NSD1: variants seen among roughly 807,000 people sequenced by gnomAD.
NSD1 encodes the protein nuclear receptor binding SET domain protein 1.
Under a neutral mutation model 242.7 loss-of-function variants are expected in NSD1, and 26 were observed. The observed-to-expected ratio is 0.11, with a 90% CI of 0.08 to 0.15. The LOEUF is 0.15. Among genes scored for constraint, NSD1 ranks in the 10% least tolerant of loss-of-function variants. The pLI, the probability that NSD1 is intolerant of heterozygous loss-of-function variation, is 1.00. For missense variants in NSD1, 2,495 were observed against 3,272.8 expected (o/e 0.76, Z 5.80); for synonymous variants, 1,106 against 1,178.1 (o/e 0.94, Z 1.25).
At chr5:177,224,398 A>G (rs1764474536) in intron 5 of NSD1, among the ~76,000 whole-genome samples, 1 of 152,076 alleles carries the variant, frequency 6.6e-6, no homozygotes, top group Admixed American at 6.6e-5. Context: ...ATTTATTCCT[A>G]AGTATTTTAG....
At chr5:177,226,151 A>G (rs555722548) in intron 5 of NSD1, among the ~76,000 whole-genome samples, 42 of 152,176 alleles carry the variant, frequency 2.8e-4, no homozygotes, top group Admixed American at 1.9e-3. Flanking sequence ...GGCTCAAGCA[A>G]TCCTCCCACA....
At chr5:177,163,215 T>C (rs2149790968) in intron 2 of NSD1, among the ~76,000 whole-genome samples, 1 of 150,382 alleles carries the variant, frequency 6.6e-6, no homozygotes, top group South Asian at 2.1e-4. Context: ...CGATCTCGGC[T>C]CACTGCAACG....
intron 4 of NSD1, among the ~76,000 whole-genome samples, chr5:177,209,247 G>A (rs1361350337): frequency 1.3e-5 from 2 of 151,900 alleles, no homozygotes; most frequent in Admixed American, 1.3e-4. Flanking sequence ...CTGATTTCAG[G>A]CCGGGTGCGG....
intron 5 of NSD1, among the ~76,000 whole-genome samples, chr5:177,230,226 A>AT (rs1305659422): frequency 1.3e-5 from 2 of 152,050 alleles, no homozygotes; most frequent in Non-Finnish European, 2.9e-5. Flanking sequence ...GGTTCAAGTG[A>AT]TTCTCGTGCT....
intron 4 of NSD1, among the ~76,000 whole-genome samples, chr5:177,204,661 A>G (rs902941338): frequency 1.1e-4 from 16 of 152,064 alleles, no homozygotes; most frequent in African/African-American, 3.6e-4. Context: ...ATCATTATCT[A>G]CTTGGGAGTT....
intron 2 of NSD1, among the ~76,000 whole-genome samples, chr5:177,164,321 TA>T (rs1434824856): frequency 6.6e-6 from 1 of 151,916 alleles, no homozygotes; most frequent in African/African-American, 2.4e-5. Flanking sequence ...CATGCCTGGC[TA>T]ATTTTTGTAT....
Position 177,277,473 on chromosome 5 carries a change from T to G in NSD1, c.5623-3092T>G, listed in dbSNP as rs80035015. Among the ~76,000 whole-genome samples, 346 of 152,288 alleles carry G rather than the reference T, an allele frequency of 2.3e-3. 4 individuals carry two copies. The East Asian group carries it at 0.027, about 12-fold the overall frequency. Reference sequence around the variant, plus strand: ...CCTGAAGTGTTTACTTTCTGACCCTTTACAGAAAAAGTTACTTAACTCCTG... The same window carrying G: ...CCTGAAGTGTTTACTTTCTGACCCTGTACAGAAAAAGTTACTTAACTCCTG... On this transcript the variant is annotated intron_variant, in intron 17 of 22. Coordinates refer to ENST00000439151, the MANE Select transcript of NSD1 (RefSeq NM_022455.5).
At chr5:177,227,940 C>A (rs1454614506) in intron 5 of NSD1, among the ~76,000 whole-genome samples, 2 of 147,792 alleles carry the variant, frequency 1.4e-5, no homozygotes, top group African/African-American at 5.0e-5. Flanking sequence ...AAGAGAGAAA[C>A]TCTCTCAAAA....
chr5:177,214,692 G>C (rs1375634534), intron 5 of NSD1, among the ~76,000 whole-genome samples: 1 of 141,038 alleles, frequency 7.1e-6, no homozygotes, highest in Non-Finnish European at 1.5e-5. Context: ...TTTTGAGACA[G>C]AGTCTTACTG....
chr5:177,289,758 A>C (rs1391674915), intron 21 of NSD1, among the ~76,000 whole-genome samples: 3 of 151,856 alleles, frequency 2.0e-5, no homozygotes, highest in African/African-American at 7.3e-5. Context: ...TGAATAATTG[A>C]ATTCTAATTC....
intron 11 of NSD1, among the ~76,000 whole-genome samples, chr5:177,251,514 T>C (rs1755960541): frequency 6.6e-6 from 1 of 152,208 alleles, no homozygotes; most frequent in Non-Finnish European, 1.5e-5. Flanking sequence ...AACAGTCTTT[T>C]TAAAAATGAA....
chr5:177,265,913 A>G, intron 14 of NSD1: 1 of 1,459,544 alleles, frequency 6.9e-7, no homozygotes, highest in Non-Finnish European at 9.6e-7. Context: ...TTCCACCTTG[A>G]CGGTGTAGAT....
At chr5:177,167,126 C>CTA (rs1759270232) in intron 2 of NSD1, among the ~76,000 whole-genome samples, 1 of 152,098 alleles carries the variant, frequency 6.6e-6, no homozygotes, top group Non-Finnish European at 1.5e-5. Flanking sequence ...TTCTCAGTAC[C>CTA]ATGTGTTGAA....
chr5:177,233,049 CTG>C (rs1211909258), intron 5 of NSD1, among the ~76,000 whole-genome samples: 1 of 152,142 alleles, frequency 6.6e-6, no homozygotes, highest in Non-Finnish European at 1.5e-5. Context: ...TGTGTTCTCA[CTG>C]TTAGTGATTT....
At chr5:177,251,230 G>A (rs992689986) in intron 11 of NSD1, among the ~76,000 whole-genome samples, 1 of 151,880 alleles carries the variant, frequency 6.6e-6, no homozygotes, top group African/African-American at 2.4e-5. Context: ...ATGTTTTATA[G>A]TGACAGATGC....
At chr5:177,143,859 ACTGCAACCTC>A (rs1562110600) in intron 2 of NSD1, among the ~76,000 whole-genome samples, 1 of 141,512 alleles carries the variant, frequency 7.1e-6, no homozygotes, top group East Asian at 2.1e-4. Flanking sequence ...ATCTTGGCTC[ACTGCAACCTC>A]CACCTCATGG....
At chr5:177,278,340 G>T (rs1280950688) in intron 17 of NSD1, among the ~76,000 whole-genome samples, 1 of 152,084 alleles carries the variant, frequency 6.6e-6, no homozygotes, top group Non-Finnish European at 1.5e-5. Context: ...GAACTTCTGG[G>T]CTCAAACAAT....
At chr5:177,265,468 ACC>A in intron 14 of NSD1, 5 of 622,772 alleles carry the variant, frequency 8.0e-6, no homozygotes, top group Non-Finnish European at 1.4e-5. Context: ...GGCCCCTAAA[ACC>A]TCCTCTGGGG....
chr5:177,144,554 C>A (rs1206354593), intron 2 of NSD1, among the ~76,000 whole-genome samples: 2 of 152,078 alleles, frequency 1.3e-5, no homozygotes, highest in Non-Finnish European at 2.9e-5. Context: ...TGTATTCCAA[C>A]TGTTAAGTGG....
Sources: allele counts gnomAD v4.1 joint callset (sites outside exome capture counted in the v4.1 genomes callset), GRCh38; gene constraint gnomAD v4.1.1; transcripts MANE v1.5; gene names NCBI Gene and HGNC (gene_info 2026-07-23, HGNC 2026-07-21).